The following ANKS1B variants were observed in gnomAD, a reference collection of about 807,000 sequenced individuals.
The protein encoded by ANKS1B is ankyrin repeat and sterile alpha motif domain-containing protein 1B.
Under a neutral mutation model 148.3 loss-of-function variants are expected in ANKS1B, and 36 were observed. That is an observed-to-expected ratio of 0.24 (90% CI 0.19 to 0.32). The LOEUF is 0.32. Ranked by LOEUF, ANKS1B falls within the 10% of genes least tolerant of loss-of-function variation. The pLI, the probability that ANKS1B is intolerant of heterozygous loss-of-function variation, is 1.00. For synonymous variants in ANKS1B, 542 were observed against 560.8 expected (o/e 0.97, Z 0.47); for missense variants, 1,157 against 1,542.6 (o/e 0.75, Z 4.19).
intron 10 of ANKS1B, among the ~76,000 whole-genome samples, chr12:99,459,379 A>G (rs541798743): frequency 3.9e-5 from 6 of 152,108 alleles, no homozygotes; most frequent in Non-Finnish European, 8.8e-5. Flanking sequence ...CACCACTTCT[A>G]TTAAACATAG....
At chr12:99,464,223 C>T (rs1433073233) in intron 10 of ANKS1B, among the ~76,000 whole-genome samples, 1 of 152,160 alleles carries the variant, frequency 6.6e-6, no homozygotes, top group Non-Finnish European at 1.5e-5. Context: ...AGACCTGCAG[C>T]TGAGGGTCCT....
chr12:99,025,722 C>A (rs2099948353), intron 17 of ANKS1B, among the ~76,000 whole-genome samples: 1 of 152,168 alleles, frequency 6.6e-6, no homozygotes, highest in Non-Finnish European at 1.5e-5. Flanking sequence ...TCTCTAACTT[C>A]AATAATGTTA....
chr12:99,641,084 A>G (rs2098298858), intron 9 of ANKS1B, among the ~76,000 whole-genome samples: 1 of 152,222 alleles, frequency 6.6e-6, no homozygotes, highest in African/African-American at 2.4e-5. Flanking sequence ...CATTGCACAT[A>G]TTAGAATGCA....
intron 10 of ANKS1B, among the ~76,000 whole-genome samples, chr12:99,497,455 A>C (rs747989545): frequency 2.7e-4 from 41 of 152,298 alleles, no homozygotes; most frequent in Non-Finnish European, 4.7e-4. Context: ...ATAGAAGTCC[A>C]AACTCAAGGT....
chr12:98,855,844 T>C (rs572908648), intron 17 of ANKS1B, among the ~76,000 whole-genome samples: 1 of 152,330 alleles, frequency 6.6e-6, no homozygotes, highest in African/African-American at 2.4e-5. Flanking sequence ...ACTGGCATTG[T>C]CATACAAACT....
At chr12:98,782,742 G>A (rs563315345) in intron 22 of ANKS1B, among the ~76,000 whole-genome samples, 18 of 152,290 alleles carry the variant, frequency 1.2e-4, no homozygotes, top group South Asian at 4.1e-4. Context: ...AATATCTGTT[G>A]TTGTATACAG....
intron 25 of ANKS1B, among the ~76,000 whole-genome samples, chr12:98,757,978 AG>A (rs1463482760): frequency 8.1e-6 from 1 of 123,754 alleles, no homozygotes; most frequent in African/African-American, 2.9e-5. Context: ...TGCAGGTGTG[AG>A]GGTTGATTAC....
chr12:99,315,279 A>T (rs1566872814), intron 12 of ANKS1B, among the ~76,000 whole-genome samples: 1 of 151,882 alleles, frequency 6.6e-6, no homozygotes, highest in Non-Finnish European at 1.5e-5. Flanking sequence ...GCAAACAGGC[A>T]ACTTACAAAA....
At chr12:99,902,310 G>A (rs1010675871) in intron 1 of ANKS1B, among the ~76,000 whole-genome samples, 4 of 152,104 alleles carry the variant, frequency 2.6e-5, no homozygotes, top group African/African-American at 9.7e-5. Flanking sequence ...AAAAGAGCTT[G>A]GCACAAAAGG....
chr12:99,091,702 C>T (rs140067795), intron 15 of ANKS1B, among the ~76,000 whole-genome samples: 1 of 152,192 alleles, frequency 6.6e-6, no homozygotes, highest in African/African-American at 2.4e-5. Flanking sequence ...ACACTGATAG[C>T]AGTTGGTGTT....
At chr12:98,831,936 G>A in intron 18 of ANKS1B, 93 bp downstream of exon 18, 1 of 1,192,538 alleles carries the variant, frequency 8.4e-7, no homozygotes, top group Non-Finnish European at 1.2e-6. Context: ...GTTTTCAGTA[G>A]AGGCAGGGTC....
chr12:99,559,399 T>G (rs964945315), intron 9 of ANKS1B, among the ~76,000 whole-genome samples: 26 of 152,190 alleles, frequency 1.7e-4, no homozygotes, highest in Non-Finnish European at 7.3e-5. Flanking sequence ...GTTCTAGACC[T>G]CCCCACATCT....
intron 4 of ANKS1B, among the ~76,000 whole-genome samples, chr12:99,799,484 G>A (rs2066671914): frequency 6.6e-6 from 1 of 152,022 alleles, no homozygotes; most frequent in Admixed American, 6.6e-5. Context: ...TTGTTTATGT[G>A]CTTATTTTCT....
At chr12:98,879,519 C>CA (rs1312885032) in intron 17 of ANKS1B, among the ~76,000 whole-genome samples, 1 of 152,172 alleles carries the variant, frequency 6.6e-6, no homozygotes, top group African/African-American at 2.4e-5. Context: ...ATAACACTGG[C>CA]ATGTTATAAA....
At chr12:98,966,429 G>C (rs947774456) in intron 17 of ANKS1B, among the ~76,000 whole-genome samples, 6 of 152,158 alleles carry the variant, frequency 3.9e-5, no homozygotes, top group Non-Finnish European at 8.8e-5. Flanking sequence ...GGAGAAATAG[G>C]AACACTTTTA....
chr12:99,095,639 G>T (rs946597829), intron 15 of ANKS1B, among the ~76,000 whole-genome samples: 2 of 152,208 alleles, frequency 1.3e-5, no homozygotes, highest in African/African-American at 4.8e-5. Context: ...ATCTGTCAGT[G>T]AAAATAATGA....
rs189961062 is a variant in ANKS1B at position 99,130,721 on chromosome 12, G to A, written c.2526+23568C>T. Among the ~76,000 whole-genome samples, 517 of 152,292 alleles carry A rather than the reference G, an allele frequency of 3.4e-3. 2 individuals are homozygous for A. The highest frequency in any genetic ancestry group is 0.012 in the African/African-American group (488 of 41,546). On this transcript the variant is annotated intron_variant, in intron 15 of 26. Transcript: ENST00000683438. ...TGCCTCACAGGATGGCATTTGAGGT[G>A]CTGATCCTAATTTATCTTTCTAACC... is the stretch of plus-strand genomic sequence containing the variant.
At chr12:99,629,945 T>G (rs781148623) in intron 9 of ANKS1B, among the ~76,000 whole-genome samples, 14 of 152,188 alleles carry the variant, frequency 9.2e-5, no homozygotes, top group Non-Finnish European at 2.1e-4. Context: ...AAACTAAGGT[T>G]AAAATTTAGA....
chr12:99,585,108 A>C (rs811500), intron 9 of ANKS1B, among the ~76,000 whole-genome samples: 37,995 of 152,086 alleles, frequency 0.25, 4,927 homozygotes, highest in South Asian at 0.37. Flanking sequence ...CTCATCTGAG[A>C]AAAGGCAAGT....
Sources: allele counts gnomAD v4.1 joint callset (sites outside exome capture counted in the v4.1 genomes callset), GRCh38; gene constraint gnomAD v4.1.1; transcripts MANE v1.5; gene names NCBI Gene and HGNC (gene_info 2026-07-23, HGNC 2026-07-21).